Variants in TPPP observed in about 807,000 individuals in gnomAD.
The protein encoded by TPPP is tubulin polymerization-promoting protein.
In TPPP, 6 loss-of-function variants were observed where a neutral mutation model predicts 15.5. The ratio of observed to expected loss-of-function variants is 0.39; its 90% CI spans 0.21 to 0.77. The LOEUF is 0.77. TPPP is among the 30% of genes least tolerant of loss of function. The probability of loss-of-function intolerance (pLI) is 0.42; values close to 1 mark genes in which losing one functional copy is unlikely to be tolerated. For synonymous variants in TPPP, 146 were observed against 133.9 expected (o/e 1.09, Z -0.63); for missense variants, 269 against 307.2 (o/e 0.88, Z 0.93).
At chr5:679,182 A>T (rs375600737) in intron 1 of TPPP, among the ~76,000 whole-genome samples, 2 of 151,834 alleles carry the variant, frequency 1.3e-5, no homozygotes, top group Admixed American at 6.6e-5. Context: ...GTGGCTCTGT[A>T]ATCGTGGGGT....
intron 1 of TPPP, among the ~76,000 whole-genome samples, chr5:691,227 G>A (rs1740854254): frequency 2.0e-5 from 1 of 49,950 alleles, no homozygotes; most frequent in Non-Finnish European, 3.5e-5. Context: ...GGCACCGAGC[G>A]GCTGACAGGC....
chr5:688,077 CTG>C (rs971951602), intron 1 of TPPP, among the ~76,000 whole-genome samples: 1 of 107,576 alleles, frequency 9.3e-6, no homozygotes, highest in South Asian at 3.9e-4. Context: ...CAACAGGAAA[CTG>C]TGGGGGCGAA....
At chr5:671,150 G>T (rs1224374037) in intron 2 of TPPP, among the ~76,000 whole-genome samples, 1 of 152,210 alleles carries the variant, frequency 6.6e-6, no homozygotes, top group Non-Finnish European at 1.5e-5. Flanking sequence ...TGCCTGAGGG[G>T]CCGCCTGGGA....
intron 1 of TPPP, among the ~76,000 whole-genome samples, chr5:684,525 C>G (rs402286): frequency 0.58 from 88,384 of 151,096 alleles, 28,689 homozygotes; most frequent in African/African-American, 0.89. Flanking sequence ...ACTCTCACAG[C>G]GGAAGGAGTG....
In TPPP at chr5:664,994, G is replaced by C. The variant is rs1463599330; in HGVS notation, c.*108C>G. ...TGGCCGCCCCCCAGCCCCCTCTGGG[G>C]CACCCGTCTGAGTTCTGCCCCAGTT... On this transcript the variant is annotated 3_prime_UTR_variant, in exon 4 of 4. Transcript: ENST00000360578. 2 of 1,364,508 alleles carry C rather than the reference G, an allele frequency of 1.5e-6. No homozygotes were observed. The highest frequency in any genetic ancestry group is 2.0e-6 in the Non-Finnish European group (2 of 1,004,224). 84.5% of individuals were successfully genotyped at this position (1,364,508 alleles called of 1,614,324 possible).
At chr5:675,270 A>C (rs1483693929) in intron 2 of TPPP, among the ~76,000 whole-genome samples, 11 of 74,066 alleles carry the variant, frequency 1.5e-4, no homozygotes, top group African/African-American at 6.4e-4. Context: ...CCGGGGGTGC[A>C]GCCCAGGGGG....
At chr5:671,870 G>C (rs1740235483) in intron 2 of TPPP, among the ~76,000 whole-genome samples, 1 of 152,216 alleles carries the variant, frequency 6.6e-6, no homozygotes, top group Non-Finnish European at 1.5e-5. Flanking sequence ...GTTGGGTGTG[G>C]GGAGTGCAGC....
intron 2 of TPPP, among the ~76,000 whole-genome samples, chr5:672,441 G>T (rs1449650715): frequency 6.6e-6 from 1 of 152,260 alleles, no homozygotes; most frequent in Non-Finnish European, 1.5e-5. Context: ...CACAAGCGTG[G>T]GTCCTGGGGG....
rs142104899 is a variant in TPPP, at chr5:677,859, C to T, written c.202G>A (p.Gly68Arg). ...FAVHGDARAT[G>R]REMHGKNWSK... Reference sequence around the variant, plus strand: ...CAGTTCTTGCCGTGCATCTCCCTCCCGGTGGCCCTGGCGTCCCCGTGCACG... The same window carrying T: ...CAGTTCTTGCCGTGCATCTCCCTCCTGGTGGCCCTGGCGTCCCCGTGCACG... Residue 68 changes from glycine (G) to arginine (R), a missense_variant, in exon 2 of 4, where the codon GGG (glycine) becomes AGG (arginine). Transcript: ENST00000360578. The T allele has an allele frequency of 6.0e-5, 97 of 1,612,774 alleles. No homozygotes were observed. Among genetic ancestry groups the T allele is most frequent in the Non-Finnish European group, 7.6e-5 (90 of 1,179,856 alleles).
chr5:685,734 G>A (rs11745112), intron 1 of TPPP, among the ~76,000 whole-genome samples: 18,075 of 152,216 alleles, frequency 0.12, 1,399 homozygotes, highest in South Asian at 0.18. Context: ...TCCTTGCAGC[G>A]CCCAGCGTGG....
chr5:665,017 G>C lies in TPPP; in HGVS notation c.*85C>G. On this transcript the variant is annotated 3_prime_UTR_variant, in exon 4 of 4. Transcript: ENST00000360578. The stretch of plus-strand genomic sequence containing the variant: ...GGGCACCCGTCTGAGTTCTGCCCCA[G>C]TTAGTACAGGAATGTAATGAAGTGC... 6.7e-7 allele frequency: 1 copy of C among 1,485,218 alleles called. No individual in the cohort carries two copies. Among genetic ancestry groups the C allele is most frequent in the Non-Finnish European group, 9.1e-7 (1 of 1,100,712 alleles). 92.0% of individuals were successfully genotyped at this position (1,485,218 alleles called of 1,614,324 possible).
chr5:663,229 C>G lies in TPPP; in HGVS notation c.*1873G>C, dbSNP rs577655995. 2.6e-5 allele frequency: 4 copies of G among 152,094 alleles called. No individual in the cohort carries two copies. The East Asian group carries it at 7.5e-4, about 29-fold the overall frequency. The allele number at this position is 152,094 out of a possible 1,614,324, so 9.4% of individuals were successfully genotyped here. On this transcript the variant is annotated 3_prime_UTR_variant, in exon 4 of 4. Coordinates refer to ENST00000360578, the MANE Select transcript of TPPP (RefSeq NM_007030.3). Reference sequence around the variant, plus strand: ...TCGTCTGTGATCGGGTGATTCCGAACCGCACATTCAGAGTTGTTTTCAAAT... The same window carrying G: ...TCGTCTGTGATCGGGTGATTCCGAAGCGCACATTCAGAGTTGTTTTCAAAT...
chr5:679,427 C>CGTGGGGG (rs1740560149), intron 1 of TPPP, among the ~76,000 whole-genome samples: 1 of 108,560 alleles, frequency 9.2e-6, no homozygotes, highest in African/African-American at 4.0e-5. Flanking sequence ...GGAAGGGCCG[C>CGTGGGGG]CTGGGGGCAG....
intron 1 of TPPP, chr5:692,912 C>T (rs2126917724): frequency 1.1e-6 from 1 of 920,444 alleles, no homozygotes; most frequent in Non-Finnish European, 1.3e-6. Flanking sequence ...GGTTCGAGTC[C>T]CGAGCTGGGG....
At chr5:684,295 C>A (rs750008973) in intron 1 of TPPP, among the ~76,000 whole-genome samples, 8 of 152,222 alleles carry the variant, frequency 5.3e-5, no homozygotes, top group South Asian at 2.1e-4. Context: ...GAAGCACAGG[C>A]ACGGCACAGC....
intron 1 of TPPP, among the ~76,000 whole-genome samples, chr5:681,164 G>C (rs56060145): frequency 0.12 from 18,088 of 152,298 alleles, 1,396 homozygotes; most frequent in South Asian, 0.18. Context: ...GCAGAGGCCA[G>C]GTGTCCTCCA....
chr5:659,952 G>A lies in TPPP; in HGVS notation c.*5150C>T, dbSNP rs1274006681. On this transcript the variant is annotated 3_prime_UTR_variant, in exon 4 of 4. Coordinates refer to ENST00000360578, the MANE Select transcript of TPPP (RefSeq NM_007030.3). ...ACAGGAGCAGTGTGCACACAGACAC[G>A]AGCTGTTTCACTACAGGTTTGCAAG... The A allele has an allele frequency of 1.3e-5, 2 of 152,392 alleles. No homozygotes were observed. Among genetic ancestry groups the A allele is most frequent in the African/African-American group, 4.8e-5 (2 of 41,532 alleles). The allele number at this position is 152,392 out of a possible 1,614,324, so 9.4% of individuals were successfully genotyped here.
chr5:666,446 C>T (rs566620477), intron 2 of TPPP, among the ~76,000 whole-genome samples: 5 of 152,344 alleles, frequency 3.3e-5, no homozygotes, highest in South Asian at 2.1e-4. Context: ...ACCACAGCCC[C>T]GCCCAGCTGC....
intron 2 of TPPP, among the ~76,000 whole-genome samples, chr5:675,011 A>G (rs1740355228): frequency 1.0e-5 from 1 of 100,098 alleles, no homozygotes; most frequent in Non-Finnish European, 1.9e-5. Flanking sequence ...TGAGGGGGGC[A>G]CAGTGTGGCC....
Sources: gnomAD v4.1 joint callset for allele counts (sites outside exome capture counted in the v4.1 genomes callset) on GRCh38, gnomAD v4.1.1 for gene constraint, MANE v1.5 for transcripts, NCBI Gene and HGNC (gene_info 2026-07-23, HGNC 2026-07-21) for gene names.